The following ELMOD1 variants were observed in gnomAD, a reference collection of about 807,000 sequenced individuals.
ELMOD1 encodes the protein ELMO domain-containing protein 1.
A neutral mutation model predicts 46.7 loss-of-function variants in ELMOD1; 21 were observed. That is an observed-to-expected ratio of 0.45 (90% confidence interval 0.32 to 0.65). The LOEUF is 0.65. ELMOD1 is among the 30% of genes least tolerant of loss of function. The pLI, the probability that ELMOD1 is intolerant of heterozygous loss-of-function variation, is 0.04. For missense variants in ELMOD1, 348 were observed against 407.8 expected, an observed-to-expected ratio of 0.85 and a Z score of 1.26; for synonymous variants, 122 against 138.2, an observed-to-expected ratio of 0.88 and a Z score of 0.82.
chr11:107,664,965 T>G, intron 11 of ELMOD1, 60 bp from the exon 12 acceptor site: 1 of 1,493,742 alleles, frequency 6.7e-7, no homozygotes, highest in South Asian at 1.3e-5. Flanking sequence ...AGAATGATTT[T>G]GAATGTGATT....
chr11:107,630,486 G>A lies in ELMOD1; in HGVS notation c.87G>A (p.Arg29=). The change falls in exon 3 of 12, where the codon AGG becomes AGA. Residue 29 remains arginine, a synonymous_variant. Transcript: ENST00000265840. ...FLWRCLKFVM[R]KLTGRCELQR... ...GGCGCTGCCTGAAATTTGTAATGAGGAAGCTAACTGGAAGATGTGAACTAC... is the reference window on the plus strand; with the variant it reads ...GGCGCTGCCTGAAATTTGTAATGAGAAAGCTAACTGGAAGATGTGAACTAC... The A allele has an allele frequency of 6.2e-7, 1 of 1,608,516 alleles. No homozygotes were observed. Among genetic ancestry groups the A allele is most frequent in the Non-Finnish European group, 8.5e-7 (1 of 1,177,294 alleles).
intron 2 of ELMOD1, chr11:107,623,343 T>C (rs900447933): frequency 6.6e-6 from 1 of 152,230 alleles, no homozygotes; most frequent in Non-Finnish European, 1.5e-5. Flanking sequence ...TCCGAGATCC[T>C]CTGGGAGCTG....
In ELMOD1 at chr11:107,622,718, G is replaced by A. The variant is rs1159105420; in HGVS notation, c.17+4512G>A. Among the ~76,000 whole-genome samples, 8 of 152,194 alleles carry A rather than the reference G, an allele frequency of 5.3e-5. No individual in the cohort carries two copies. In the South Asian group the frequency reaches 1.2e-3, roughly 24 times the overall value. On this transcript the variant is annotated intron_variant, in intron 2 of 11. Transcript: ENST00000265840. ...TTTGAAGAGCAGAAGGTGCAGGAAC[G>A]TGTAGTTGTTCCAGAATTTGATTAG...
rs1157296553 is a variant in ELMOD1 at position 107,647,528 on chromosome 11, G to A, written c.481G>A (p.Glu161Lys). 6.2e-7 allele frequency: 1 copy of A among 1,613,596 alleles called. No individual in the cohort carries two copies. Among genetic ancestry groups the A allele is most frequent in the East Asian group, 2.2e-5 (1 of 44,834 alleles). Residue 161 changes from glutamate to lysine, a missense_variant, in exon 7 of 12, where the codon GAA (glutamate) becomes AAA (lysine). By Grantham distance (56) the Glu-to-Lys change is moderately conservative. Transcript: ENST00000265840. ...ATCTCGGATTTCTAAGCAGTGGTGT[G>A]AAATTGGTTTCCAAGGTGATGATCC... ...LESRISKQWC[E>K]IGFQGDDPKT...
chr11:107,610,998 C>CAAAAAAAAAAAAAAAAAAAAAA (rs58417281), intron 1 of ELMOD1, among the ~76,000 whole-genome samples: 1 of 95,796 alleles, frequency 1.0e-5, no homozygotes, highest in Non-Finnish European at 2.1e-5. Context: ...TGTAAGAATC[C>CAAAAAAAAAAAAAAAAAAAAAA]AAAAAAAAAA....
chr11:107,604,175 T>G (rs1444529924), intron 1 of ELMOD1, among the ~76,000 whole-genome samples: 1 of 152,224 alleles, frequency 6.6e-6, no homozygotes, highest in Non-Finnish European at 1.5e-5. Flanking sequence ...TCTTCATGTT[T>G]TCTTTGTGTT....
chr11:107,643,495 A>G, intron 6 of ELMOD1: 1 of 347,414 alleles, frequency 2.9e-6, no homozygotes, highest in Admixed American at 3.5e-5. Flanking sequence ...TTCAGAAGAC[A>G]CAGCACCATC....
intron 1 of ELMOD1, among the ~76,000 whole-genome samples, chr11:107,613,292 T>G (rs574653732): frequency 1.3e-5 from 2 of 152,354 alleles, no homozygotes; most frequent in East Asian, 3.9e-4. Flanking sequence ...CATGCTTTGG[T>G]TCTTTTAATC....
chr11:107,615,229 C>T (rs75321178), intron 1 of ELMOD1, among the ~76,000 whole-genome samples: 38 of 81,110 alleles, frequency 4.7e-4, no homozygotes, highest in South Asian at 2.7e-3. Flanking sequence ...TTGTCAGCAT[C>T]TTTTTTTTTT....
At chr11:107,643,545 G>C in intron 6 of ELMOD1, 1 of 505,490 alleles carries the variant, frequency 2.0e-6, no homozygotes, top group Non-Finnish European at 4.0e-6. Context: ...AACACTCTTG[G>C]AGTTTTATGA....
intron 2 of ELMOD1, among the ~76,000 whole-genome samples, chr11:107,629,062 C>G (rs1866092768): frequency 6.6e-6 from 1 of 152,074 alleles, no homozygotes; most frequent in Admixed American, 6.5e-5. Flanking sequence ...ATTATGTTAT[C>G]TCAGTGCAGC....
At chr11:107,621,682 A>ACACCACCC (rs1865950586) in intron 2 of ELMOD1, among the ~76,000 whole-genome samples, 1 of 152,200 alleles carries the variant, frequency 6.6e-6, no homozygotes. Context: ...TGTTTGTGTC[A>ACACCACCC]CATTACCCCA....
chr11:107,660,228 T>G (rs1279119603), intron 11 of ELMOD1, among the ~76,000 whole-genome samples: 1 of 152,180 alleles, frequency 6.6e-6, no homozygotes, highest in African/African-American at 2.4e-5. Flanking sequence ...ACCAAGACAT[T>G]CAAGCAGCAA....
At chr11:107,640,978 A>G (rs1164403856) in intron 6 of ELMOD1, among the ~76,000 whole-genome samples, 1 of 152,170 alleles carries the variant, frequency 6.6e-6, no homozygotes, top group Non-Finnish European at 1.5e-5. Flanking sequence ...AAATACTACA[A>G]TATTTCTTCA....
chr11:107,636,009 CA>C (rs1164420306), intron 6 of ELMOD1, among the ~76,000 whole-genome samples: 1 of 152,182 alleles, frequency 6.6e-6, no homozygotes, highest in Non-Finnish European at 1.5e-5. Context: ...GAGAAAACGT[CA>C]GAGGTGATTT....
intron 11 of ELMOD1, among the ~76,000 whole-genome samples, chr11:107,664,183 G>C (rs2135722054): frequency 6.6e-6 from 1 of 150,698 alleles, no homozygotes; most frequent in Non-Finnish European, 1.5e-5. Context: ...ACTTCCTTAA[G>C]TACTTTTCTT....
Position 107,665,035 on chromosome 11 carries a change from G to A in ELMOD1, c.843G>A (p.Met281Ile), listed in dbSNP as rs1209407428. 2.5e-6 allele frequency: 4 copies of A among 1,612,586 alleles called. No homozygotes were observed. Among genetic ancestry groups the A allele is most frequent in the African/African-American group, 2.7e-5 (2 of 74,750 alleles). ...SHFQQTFCYL[M>I]HEFHKFWIEE... is the part of the protein sequence containing the mutation. ...TATTGTCTCCAACAGGCTATTTGAT[G>A]CATGAATTTCATAAGTTTTGGATCG... The change falls in exon 12 of 12, where the codon ATG becomes ATA. Residue 281 changes from methionine (M) to isoleucine (I), a missense_variant. Physicochemically the swap from Met to Ile is conservative, Grantham distance 10. Transcript: ENST00000265840.
chr11:107,661,815 C>T (rs1335152729), intron 11 of ELMOD1, among the ~76,000 whole-genome samples: 2 of 152,174 alleles, frequency 1.3e-5, no homozygotes, highest in African/African-American at 4.8e-5. Flanking sequence ...ACAAGTACCG[C>T]AGATCATTCT....
At position 107,635,548 on chromosome 11, in the gene ELMOD1, G is replaced by C. The variant is rs527867308; in HGVS notation, c.291-88G>C. On this transcript the variant is annotated intron_variant, in intron 5 of 11. Coordinates refer to ENST00000265840, the MANE Select transcript of ELMOD1 (RefSeq NM_018712.4). ...CCTGAATATTATATTAATATGAAAA[G>C]TTCTATCATGCATACATCAAGTGAA... 2.3e-6 allele frequency: 3 copies of C among 1,296,924 alleles called. No individual in the cohort carries two copies. In the African/African-American group the frequency reaches 4.5e-5, roughly 19 times the overall value. The allele number at this position is 1,296,924 out of a possible 1,614,324, so 80.3% of individuals were successfully genotyped here.
Sources: gnomAD v4.1 joint callset for allele counts (sites outside exome capture counted in the v4.1 genomes callset) on GRCh38, gnomAD v4.1.1 for gene constraint, MANE v1.5 for transcripts, NCBI Gene and HGNC (gene_info 2026-07-23, HGNC 2026-07-21) for gene names.